Variants in BTG3 observed in about 807,000 individuals in gnomAD.
The protein encoded by BTG3 is BTG anti-proliferation factor 3.
Under a neutral mutation model 25.8 loss-of-function variants are expected in BTG3, and 4 were observed. The ratio of observed to expected loss-of-function variants is 0.16; its 90% CI spans 0.08 to 0.36. The LOEUF is 0.36. BTG3 is among the 10% of genes least tolerant of loss of function. BTG3 has a pLI of 1.00. For synonymous variants in BTG3, 107 were observed against 99.9 expected, an observed-to-expected ratio of 1.07 and a Z score of -0.42; for missense variants, 201 against 304.9, an observed-to-expected ratio of 0.66 and a Z score of 2.54.
intron 3 of BTG3, among the ~76,000 whole-genome samples, chr21:17,603,658 A>G (rs1362727141): frequency 6.6e-6 from 1 of 152,144 alleles, no homozygotes; most frequent in African/African-American, 2.4e-5. Context: ...CCAAATAGAA[A>G]CATCCTAAAG....
intron 1 of BTG3, chr21:17,612,479 G>A (rs1219014946): frequency 6.7e-6 from 1 of 150,202 alleles, no homozygotes; most frequent in Non-Finnish European, 1.5e-5. Context: ...GCCCGCCGAG[G>A]GTCCCGCGGA....
chr21:17,612,218 C>G (rs973906742), intron 1 of BTG3: 4 of 152,288 alleles, frequency 2.6e-5, no homozygotes, highest in African/African-American at 9.6e-5. Flanking sequence ...CCAGCCTCCC[C>G]GACAACATCC....
chr21:17,603,173 A>G (rs1253138098), intron 3 of BTG3, among the ~76,000 whole-genome samples: 1 of 152,236 alleles, frequency 6.6e-6, no homozygotes, highest in Admixed American at 6.5e-5. Flanking sequence ...AAACAATTCA[A>G]TATAGTAGCT....
intron 3 of BTG3, among the ~76,000 whole-genome samples, chr21:17,600,018 C>T (rs1444455304): frequency 2.6e-5 from 4 of 152,116 alleles, no homozygotes; most frequent in Non-Finnish European, 5.9e-5. Context: ...GATAACTACT[C>T]ACCTCTCATC....
intron 3 of BTG3, among the ~76,000 whole-genome samples, chr21:17,599,702 A>G (rs887612791): frequency 6.6e-6 from 1 of 151,050 alleles, no homozygotes; most frequent in African/African-American, 2.4e-5. Flanking sequence ...CTGGTCTTGA[A>G]CTCCTGACCT....
intron 4 of BTG3, among the ~76,000 whole-genome samples, chr21:17,595,619 T>C (rs2061494459): frequency 2.6e-5 from 4 of 151,988 alleles, no homozygotes; most frequent in African/African-American, 4.8e-5. Flanking sequence ...CTAGATAGTA[T>C]AGCAATGACT....
chr21:17,597,537 G>A (rs1428371800), intron 4 of BTG3, among the ~76,000 whole-genome samples: 3 of 151,964 alleles, frequency 2.0e-5, no homozygotes, highest in African/African-American at 7.2e-5. Context: ...CTGTGGAAAT[G>A]CATAGGGACT....
intron 1 of BTG3, among the ~76,000 whole-genome samples, chr21:17,610,726 C>T (rs979743719): frequency 6.6e-6 from 1 of 152,134 alleles, no homozygotes; most frequent in African/African-American, 2.4e-5. Context: ...GAGCCAATTA[C>T]GTATTAAAAA....
chr21:17,597,419 T>G lies in BTG3; in HGVS notation c.519+1198A>C, dbSNP rs75195028. 6.4e-3 allele frequency among the ~76,000 whole-genome samples: 968 copies of G among 151,910 alleles called. 59 individuals carry two copies. In the East Asian group the frequency reaches 0.13, roughly 21 times the overall value. Reference sequence around the variant, plus strand: ...AATGCCTCAAATATTTATGGCAAGGTTTTTAAAAATGATCCTGAAGTACAA... The same window carrying G: ...AATGCCTCAAATATTTATGGCAAGGGTTTTAAAAATGATCCTGAAGTACAA... On this transcript the variant is annotated intron_variant, in intron 4 of 4. Coordinates refer to ENST00000348354, the MANE Select transcript of BTG3 (RefSeq NM_006806.5).
At chr21:17,610,782 G>A (rs765293024) in intron 1 of BTG3, among the ~76,000 whole-genome samples, 2 of 152,156 alleles carry the variant, frequency 1.3e-5, no homozygotes, top group Non-Finnish European at 2.9e-5. Flanking sequence ...TAACCTAGCA[G>A]TAGTTTGTGT....
chr21:17,605,249 A>G (rs2061623670), intron 2 of BTG3: 1 of 314,284 alleles, frequency 3.2e-6, no homozygotes, highest in African/African-American at 2.1e-5. Flanking sequence ...GTCTACCCAG[A>G]GACTTGACCA....
chr21:17,606,183 G>A (rs376903215), intron 2 of BTG3, among the ~76,000 whole-genome samples: 2 of 152,072 alleles, frequency 1.3e-5, no homozygotes, highest in African/African-American at 4.8e-5. Flanking sequence ...TAATTCTCAT[G>A]ATCATCCTGT....
Position 17,602,606 on chromosome 21 carries a change from C to T in BTG3, c.311+2254G>A, listed in dbSNP as rs181136412. On this transcript the variant is annotated intron_variant, in intron 3 of 4. Transcript: ENST00000348354. ...TGTTATTGAATGAACACCTGACACT[C>T]GCAGGTGATTTCTATTAGCTGTGAA... Among the ~76,000 whole-genome samples, 21 of 152,172 alleles carry T rather than the reference C, an allele frequency of 1.4e-4. No homozygotes were observed. In the East Asian group the frequency reaches 2.1e-3, roughly 15 times the overall value.
chr21:17,604,074 ATTC>A (rs1314146117), intron 3 of BTG3: 14 of 1,198,878 alleles, frequency 1.2e-5, no homozygotes, highest in African/African-American at 1.7e-5. Flanking sequence ...TCACAACTCT[ATTC>A]ATTAGGAGAT....
chr21:17,609,089 T>C lies in BTG3; in HGVS notation c.56A>G (p.His19Arg), dbSNP rs1283486954. 4 of 1,614,176 alleles carry C rather than the reference T, an allele frequency of 2.5e-6. No homozygotes were observed. The South Asian group carries it at 4.4e-5, about 18-fold the overall frequency. The change falls in exon 2 of 5, where the codon CAT (histidine) becomes CGT (arginine). Residue 19 changes from histidine to arginine, a missense_variant. Around this residue, in one of 2 missense-constraint regions of BTG3, gnomAD observed 70 missense variants for 175.7 expected, o/e 0.40. Coordinates refer to ENST00000348354, the MANE Select transcript of BTG3 (RefSeq NM_006806.5). ...VFFFTRLVRK[H>R]DKLKKEAVER... ...AACTGCCTCTTTTTTCAACTTATCA[T>C]GTTTTCGAACTAGCCTTGTGAAAAA...
At chr21:17,595,314 A>C (rs1215679610) in intron 4 of BTG3, among the ~76,000 whole-genome samples, 1 of 152,030 alleles carries the variant, frequency 6.6e-6, no homozygotes, top group African/African-American at 2.4e-5. Context: ...TTTTTAAAAA[A>C]ATTATATTGT....
chr21:17,601,891 GAC>G (rs1393772881), intron 3 of BTG3, among the ~76,000 whole-genome samples: 1 of 152,170 alleles, frequency 6.6e-6, no homozygotes, highest in African/African-American at 2.4e-5. Context: ...AGATTTCTTT[GAC>G]ACCTAGTTTG....
At chr21:17,608,104 C>A (rs59563635) in intron 2 of BTG3, among the ~76,000 whole-genome samples, 1 of 152,146 alleles carries the variant, frequency 6.6e-6, no homozygotes. Flanking sequence ...TGGTGGCTCA[C>A]GCCTGTAATC....
At chr21:17,601,186 G>A (rs989377004) in intron 3 of BTG3, among the ~76,000 whole-genome samples, 2 of 148,858 alleles carry the variant, frequency 1.3e-5, no homozygotes, top group East Asian at 2.0e-4. Flanking sequence ...AAGTTGCTAC[G>A]GGATGGTAGA....
Sources: allele counts gnomAD v4.1 joint callset (sites outside exome capture counted in the v4.1 genomes callset), GRCh38; gene constraint gnomAD v4.1.1; regional missense constraint gnomAD v4.1.1; transcripts MANE v1.5; gene names NCBI Gene and HGNC (gene_info 2026-07-23, HGNC 2026-07-21).